DACH2: variants seen among roughly 807,000 people sequenced by gnomAD.
DACH2 encodes the protein dachshund family transcription factor 2, also known as dachshund homolog 2.
In DACH2, 17 loss-of-function variants were observed where a neutral mutation model predicts 35.8. The ratio of observed to expected loss-of-function variants is 0.48; its 90% CI spans 0.33 to 0.71. The LOEUF is 0.71. Ranked by LOEUF, DACH2 falls within the 30% of genes least tolerant of loss-of-function variation. DACH2 has a pLI of 0.02. For missense variants in DACH2, 469 were observed against 472.7 expected (o/e 0.99, Z 0.07); for synonymous variants, 195 against 177.3 (o/e 1.10, Z -0.79).
chrX:86,586,417 A>G (rs1046413890), intron 3 of DACH2, among the ~76,000 whole-genome samples: 1 of 111,508 alleles, frequency 9.0e-6, no homozygotes, highest in Non-Finnish European at 1.9e-5. Flanking sequence ...CTCTAGTTTA[A>G]TTAGGTTCCA....
intron 3 of DACH2, among the ~76,000 whole-genome samples, chrX:86,600,224 C>A (rs1249440404): frequency 9.0e-6 from 1 of 111,724 alleles, no homozygotes; most frequent in African/African-American, 3.3e-5. Flanking sequence ...AATATTTTTT[C>A]TTTTGCTATA....
intron 2 of DACH2, among the ~76,000 whole-genome samples, chrX:86,450,945 G>A (rs1004036951): frequency 9.0e-6 from 1 of 110,972 alleles, no homozygotes; most frequent in Non-Finnish European, 1.9e-5. Context: ...ATTTGTTTAA[G>A]TTTCTTGTAG....
At chrX:86,291,689 G>T (rs1030044669) in intron 1 of DACH2, among the ~76,000 whole-genome samples, 3 of 102,738 alleles carry the variant, frequency 2.9e-5, no homozygotes, top group South Asian at 4.9e-4. Flanking sequence ...TAATCATGTG[G>T]TTTTTGTCTT....
At chrX:86,689,512 A>C (rs2040986760) in intron 4 of DACH2, among the ~76,000 whole-genome samples, 1 of 111,960 alleles carries the variant, frequency 8.9e-6, no homozygotes, top group Non-Finnish European at 1.9e-5. Context: ...AAAATGCTTC[A>C]TGCTGTGTAG....
intron 2 of DACH2, among the ~76,000 whole-genome samples, chrX:86,460,126 G>T (rs939968287): frequency 9.0e-6 from 1 of 110,656 alleles, no homozygotes; most frequent in East Asian, 2.8e-4. Flanking sequence ...GAACATGGTA[G>T]AAATTACTGT....
rs202076436 is a variant in DACH2, at chrX:86,514,374, G to A, written c.623G>A (p.Gly208Glu). 5.6e-5 allele frequency: 68 copies of A among 1,207,505 alleles called. No individual in the cohort carries two copies. Among genetic ancestry groups the A allele is most frequent in the Non-Finnish European group, 7.0e-5 (63 of 893,904 alleles). ...THAVPGLLSP[G>E]LITPTGITAA... ...GCAGTCCCAGGCCTCTTATCGCCAG[G>A]ACTTATCACTCCGACAGGTAATAAA... is the stretch of plus-strand genomic sequence containing the variant. Residue 208 changes from glycine (G) to glutamate (E), a missense_variant, in exon 3 of 12, where the codon GGA becomes GAA. By Grantham distance (98) the Gly-to-Glu change is moderately conservative (BLOSUM62 -2). Coordinates refer to ENST00000373125, the MANE Select transcript of DACH2 (RefSeq NM_053281.3).
chrX:86,506,078 T>C (rs2038318922), intron 2 of DACH2, among the ~76,000 whole-genome samples: 1 of 111,866 alleles, frequency 8.9e-6, no homozygotes, highest in Admixed American at 9.5e-5. Flanking sequence ...ATTTATTGCC[T>C]TGCAGTTCTG....
In DACH2 at chrX:86,760,235, C is replaced by T. The variant is rs151063327; in HGVS notation, c.1240+20353C>T. On this transcript the variant is annotated intron_variant, in intron 7 of 11. Coordinates refer to ENST00000373125, the MANE Select transcript of DACH2 (RefSeq NM_053281.3). Reference sequence around the variant, plus strand: ...TTTGAGCTTCCTATATCTGTGTGCGCAAGTCTCTTGCTACACTTGGGAAGT... The same window carrying T: ...TTTGAGCTTCCTATATCTGTGTGCGTAAGTCTCTTGCTACACTTGGGAAGT... Among the ~76,000 whole-genome samples the T allele has an allele frequency of 4.4e-4, 49 of 111,226 alleles. No homozygotes were observed. The East Asian group carries it at 6.3e-3, about 14-fold the overall frequency.
intron 1 of DACH2, among the ~76,000 whole-genome samples, chrX:86,241,905 G>A (rs2033173181): frequency 8.9e-6 from 1 of 112,559 alleles, no homozygotes; most frequent in Admixed American, 9.4e-5. Context: ...CATGGTGTTG[G>A]GCCTGCAGGA....
chrX:86,759,561 T>G (rs957733744), intron 7 of DACH2, among the ~76,000 whole-genome samples: 1 of 56,442 alleles, frequency 1.8e-5, no homozygotes, highest in Admixed American at 1.5e-4. Flanking sequence ...TTGTTGTTTG[T>G]TTTTTTTTTT....
At chrX:86,229,707 T>C (rs2032906520) in intron 1 of DACH2, among the ~76,000 whole-genome samples, 1 of 59,898 alleles carries the variant, frequency 1.7e-5, no homozygotes. Flanking sequence ...TATTCCTAAG[T>C]ATTTTTTTTT....
chrX:86,379,945 A>C (rs995683942), intron 2 of DACH2, among the ~76,000 whole-genome samples: 1 of 110,929 alleles, frequency 9.0e-6, no homozygotes, highest in Non-Finnish European at 1.9e-5. Flanking sequence ...AATGAATGAA[A>C]CTTATTTACT....
chrX:86,689,987 T>C lies in DACH2; in HGVS notation c.773-5034T>C, dbSNP rs905133188. Among the ~76,000 whole-genome samples the C allele has an allele frequency of 7.2e-5, 8 of 111,780 alleles. No homozygotes were observed. The East Asian group carries it at 2.0e-3, about 28-fold the overall frequency. On this transcript the variant is annotated intron_variant, in intron 4 of 11. Coordinates refer to ENST00000373125, the MANE Select transcript of DACH2 (RefSeq NM_053281.3). ...TTGCATATGACTCACACAATTCTAG[T>C]AGTCTTAGAAACTCAAACCTACAGA...
intron 2 of DACH2, among the ~76,000 whole-genome samples, chrX:86,402,803 CAA>C (rs747416756): frequency 9.0e-6 from 1 of 111,368 alleles, no homozygotes; most frequent in East Asian, 2.8e-4. Context: ...CTACAGTAAC[CAA>C]AAAAAGCAAT....
rs2033088246 is a variant in DACH2, at chrX:86,237,887, A to C, written c.488+88779A>C. Among the ~76,000 whole-genome samples the C allele has an allele frequency of 3.6e-5, 4 of 111,970 alleles. No homozygotes were observed. In the Admixed American group the frequency reaches 3.8e-4, roughly 11 times the overall value. On this transcript the variant is annotated intron_variant, in intron 1 of 11. Coordinates refer to ENST00000373125, the MANE Select transcript of DACH2 (RefSeq NM_053281.3). ...TGCAAGCTTGGAGATGTCAGGAATG[A>C]CAGAGCCCCAAAGAGACTGTCACAG...
At position 86,348,926 on chromosome X, in the gene DACH2, G is replaced by A. The variant is rs770740286; in HGVS notation, c.489-27898G>A. On this transcript the variant is annotated intron_variant, in intron 1 of 11. Coordinates refer to ENST00000373125, the MANE Select transcript of DACH2 (RefSeq NM_053281.3). ...TGGGGAGCATGGGCTCCGACCCCTA[G>A]GCAGCATCTAGGGGTGAATGCTTAG... Among the ~76,000 whole-genome samples the A allele has an allele frequency of 2.4e-3, 265 of 112,255 alleles. 2 individuals carry two copies. Among genetic ancestry groups the A allele is most frequent in the African/African-American group, 8.2e-3 (254 of 30,936 alleles).
At chrX:86,488,242 T>C (rs928716865) in intron 2 of DACH2, among the ~76,000 whole-genome samples, 4 of 111,425 alleles carry the variant, frequency 3.6e-5, no homozygotes, top group African/African-American at 1.3e-4. Flanking sequence ...GAACCATGGA[T>C]TGGAAGTCAG....
At position 86,537,398 on chromosome X, in the gene DACH2, G is replaced by C. The variant is rs146938360; in HGVS notation, c.640+23007G>C. Among the ~76,000 whole-genome samples the C allele has an allele frequency of 3.8e-3, 417 of 110,617 alleles. 3 individuals are homozygous for C. The highest frequency in any genetic ancestry group is 0.013 in the African/African-American group (404 of 30,375). Reference sequence around the variant, plus strand: ...CCAGTAATTTCTAAAGTGCGTTTGGGGTCATTCTCCCATTGTACTGATGAA... The same window carrying C: ...CCAGTAATTTCTAAAGTGCGTTTGGCGTCATTCTCCCATTGTACTGATGAA... On this transcript the variant is annotated intron_variant, in intron 3 of 11. Transcript: ENST00000373125.
intron 7 of DACH2, among the ~76,000 whole-genome samples, chrX:86,788,467 C>A (rs1325509186): frequency 1.8e-5 from 2 of 111,704 alleles, no homozygotes; most frequent in Admixed American, 1.9e-4. Flanking sequence ...TAATTTGAGA[C>A]CCCATGTATG....
Sources: gnomAD v4.1 joint callset for allele counts (sites outside exome capture counted in the v4.1 genomes callset) on GRCh38, gnomAD v4.1.1 for gene constraint, MANE v1.5 for transcripts, NCBI Gene and HGNC (gene_info 2026-07-23, HGNC 2026-07-21) for gene names.